EPB41L5: variants seen among roughly 807,000 people sequenced by gnomAD.
EPB41L5 encodes the protein band 4.1-like protein 5.
In EPB41L5, 55 loss-of-function variants were observed where a neutral mutation model predicts 106.6. That is an observed-to-expected ratio of 0.52 (90% CI 0.42 to 0.65). EPB41L5 has a LOEUF of 0.65. EPB41L5 is among the 30% of genes least tolerant of loss of function. The pLI is 0.00. For synonymous variants in EPB41L5, 297 were observed against 306.7 expected (o/e 0.97, Z 0.33); for missense variants, 871 against 882.1 (o/e 0.99, Z 0.16).
At position 120,174,991 on chromosome 2, in the gene EPB41L5, T is replaced by C; in HGVS notation, c.*84T>C. ...AGAATATGTTGGATTCAGGAGCTTGTCCATTATTTGTAGGTAAAAAAAGCT... is the reference window on the plus strand; with the variant it reads ...AGAATATGTTGGATTCAGGAGCTTGCCCATTATTTGTAGGTAAAAAAAGCT... On this transcript the variant is annotated 3_prime_UTR_variant, in exon 25 of 25. Transcript: ENST00000263713. 7.5e-7 allele frequency: 1 copy of C among 1,329,962 alleles called. No individual in the cohort carries two copies. Among genetic ancestry groups the C allele is most frequent in the East Asian group, 2.3e-5 (1 of 43,266 alleles). The allele number at this position is 1,329,962 out of a possible 1,614,324, so 82.4% of individuals were successfully genotyped here. A position where few individuals can be genotyped will look rare whatever the true frequency, so the allele number is the denominator to read the frequency against.
At chr2:120,096,509 G>A (rs899742111) in intron 14 of EPB41L5, among the ~76,000 whole-genome samples, 7 of 152,086 alleles carry the variant, frequency 4.6e-5, no homozygotes, top group Non-Finnish European at 8.8e-5. Context: ...TAGAGTAATG[G>A]CTGGGAGCAG....
At chr2:120,099,573 G>A (rs1167700389) in intron 14 of EPB41L5, among the ~76,000 whole-genome samples, 3 of 151,876 alleles carry the variant, frequency 2.0e-5, no homozygotes, top group African/African-American at 7.3e-5. Context: ...GACTACAGGT[G>A]CCCGCCACCA....
Position 120,100,818 on chromosome 2 carries a change from T to C in EPB41L5, c.1337+4T>C, listed in dbSNP as rs1218395643. ...CAGACCAGCATGACAGGAAATGGTT[T>C]GTTAATTCCTTAAACTAAAATAAAA... On this transcript the variant is annotated splice_donor_region_variant and intron_variant, in intron 16 of 24. Coordinates refer to ENST00000263713, the MANE Select transcript of EPB41L5 (RefSeq NM_020909.4). 1.3e-6 allele frequency: 2 copies of C among 1,554,306 alleles called. No homozygotes were observed. The highest frequency in any genetic ancestry group is 1.8e-6 in the Non-Finnish European group (2 of 1,137,124).
chr2:120,075,810 T>G, intron 7 of EPB41L5, 57 bp downstream of exon 7: 3 of 1,365,266 alleles, frequency 2.2e-6, no homozygotes, highest in Non-Finnish European at 2.1e-6. Flanking sequence ...TTGTGTGTGT[T>G]TTTAGTTAAA....
At chr2:120,053,476 T>C (rs1680426535) in intron 3 of EPB41L5, among the ~76,000 whole-genome samples, 1 of 152,168 alleles carries the variant, frequency 6.6e-6, no homozygotes. Flanking sequence ...AAAGAAACCC[T>C]CTTACACGTT....
At chr2:120,090,326 A>C in intron 11 of EPB41L5, 21 bp from the exon 12 acceptor site, 1 of 1,572,432 alleles carries the variant, frequency 6.4e-7, no homozygotes. Flanking sequence ...TCATCCTTTT[A>C]TATATACTTT....
chr2:120,019,384 T>C lies in EPB41L5; in HGVS notation c.180+120T>C, dbSNP rs1677771552. 3 of 832,420 alleles carry C rather than the reference T, an allele frequency of 3.6e-6. No homozygotes were observed. In the African/African-American group the frequency reaches 6.0e-5, roughly 17 times the overall value. The allele number at this position is 832,420 out of a possible 1,614,324, so 51.6% of individuals were successfully genotyped here. On this transcript the variant is annotated intron_variant, in intron 2 of 24. Coordinates refer to ENST00000263713, the MANE Select transcript of EPB41L5 (RefSeq NM_020909.4). ...TAAGTAAAGGTATTATGGGTTAGTA[T>C]AGATCAGGCACTGTAACATTCAGGT... is the stretch of plus-strand genomic sequence containing the variant.
chr2:120,129,543 TATCCATTACACTAATTCAC>T (rs1333285018), intron 17 of EPB41L5, among the ~76,000 whole-genome samples: 1 of 152,198 alleles, frequency 6.6e-6, no homozygotes, highest in East Asian at 1.9e-4. Flanking sequence ...TTCCACTTGA[TATCCATTACACTAATTCAC>T]AAAGTTTAAT....
chr2:120,016,584 C>G (rs1283741825), intron 1 of EPB41L5, among the ~76,000 whole-genome samples: 1 of 151,330 alleles, frequency 6.6e-6, no homozygotes, highest in African/African-American at 2.4e-5. Flanking sequence ...TTTGGATTTT[C>G]TTGGATACTG....
chr2:120,025,908 G>T (rs1678278342), intron 2 of EPB41L5, among the ~76,000 whole-genome samples: 1 of 152,212 alleles, frequency 6.6e-6, no homozygotes, highest in Admixed American at 6.5e-5. Context: ...CAATAAGTTG[G>T]TGTGCGACTG....
At chr2:120,110,606 TC>T (rs1185132381) in intron 16 of EPB41L5, among the ~76,000 whole-genome samples, 17 of 151,614 alleles carry the variant, frequency 1.1e-4, no homozygotes, top group Admixed American at 9.2e-4. Flanking sequence ...GTACAGAAAT[TC>T]CCACACCCTC....
intron 15 of EPB41L5, 30 bp downstream of exon 15, chr2:120,100,316 G>T: frequency 6.3e-7 from 1 of 1,599,350 alleles, no homozygotes; most frequent in Non-Finnish European, 8.6e-7. Context: ...CTAAAACACT[G>T]GATCACCCGT....
chr2:120,082,627 G>A (rs1312721542), intron 10 of EPB41L5, among the ~76,000 whole-genome samples: 2 of 152,144 alleles, frequency 1.3e-5, no homozygotes, highest in Non-Finnish European at 2.9e-5. Flanking sequence ...CATAAAATGC[G>A]TTAGGGAAGA....
At chr2:120,100,428 C>A in intron 15 of EPB41L5, 142 bp downstream of exon 15, 2 of 801,234 alleles carry the variant, frequency 2.5e-6, no homozygotes, top group Non-Finnish European at 4.0e-6. Context: ...TTAAGTGGTT[C>A]AGTAATAACT....
chr2:120,075,699 A>C lies in EPB41L5; in HGVS notation c.453-2A>C, dbSNP rs1162640099. On this transcript the variant is annotated splice_acceptor_variant, in intron 6 of 24. Coordinates refer to ENST00000263713, the MANE Select transcript of EPB41L5 (RefSeq NM_020909.4). LOFTEE classifies it high-confidence loss of function. ...TCTAACAAACTTGTGTTTTGGTCTC[A>C]GATTAGACTGTCCCTTTGATACAGC... 6.2e-7 allele frequency: 1 copy of C among 1,613,182 alleles called. No homozygotes were observed. The highest frequency in any genetic ancestry group is 1.3e-5 in the African/African-American group (1 of 75,046).
Position 120,085,321 on chromosome 2 carries a change from T to C in EPB41L5, c.804-1850T>C, listed in dbSNP as rs1001258146. Among the ~76,000 whole-genome samples the C allele has an allele frequency of 2.7e-4, 41 of 152,198 alleles. 1 individual carries two copies. The highest frequency in any genetic ancestry group is 8.0e-4 in the African/African-American group (33 of 41,444). Reference sequence around the variant, plus strand: ...TTTCGATGCGGATGTCCTTTCTGTTTGTTAGTTTTCCTTCCAACAGCTGCA... The same window carrying C: ...TTTCGATGCGGATGTCCTTTCTGTTCGTTAGTTTTCCTTCCAACAGCTGCA... On this transcript the variant is annotated intron_variant, in intron 10 of 24. Transcript: ENST00000263713.
chr2:120,166,782 C>T (rs1021274306), intron 22 of EPB41L5, among the ~76,000 whole-genome samples: 1 of 152,202 alleles, frequency 6.6e-6, no homozygotes, highest in Non-Finnish European at 1.5e-5. Context: ...AATACCTGGA[C>T]TTACATTAGT....
At chr2:120,023,665 G>T (rs1678099293) in intron 2 of EPB41L5, among the ~76,000 whole-genome samples, 1 of 152,162 alleles carries the variant, frequency 6.6e-6, no homozygotes, top group South Asian at 2.1e-4. Flanking sequence ...GGCTATACGG[G>T]CTCTTTTTCG....
chr2:120,095,688 A>G (rs545167702), intron 14 of EPB41L5, among the ~76,000 whole-genome samples: 36 of 151,690 alleles, frequency 2.4e-4, no homozygotes, highest in Non-Finnish European at 4.4e-4. Flanking sequence ...ATTTTTTTTG[A>G]GACGGAGTCT....
Sources: allele counts gnomAD v4.1 joint callset (sites outside exome capture counted in the v4.1 genomes callset), GRCh38; gene constraint gnomAD v4.1.1; transcripts MANE v1.5; gene names NCBI Gene and HGNC (gene_info 2026-07-23, HGNC 2026-07-21).